The following MACROD2 variants were observed in gnomAD, a reference collection of about 807,000 sequenced individuals.
MACROD2 encodes the protein mono-ADP ribosylhydrolase 2.
MACROD2 carries 36 observed loss-of-function variants against 70.4 expected under a neutral mutation model. The observed-to-expected ratio is 0.51, with a 90% CI of 0.39 to 0.68. The LOEUF (loss-of-function observed/expected upper bound fraction) is 0.68. Ranked by LOEUF, MACROD2 falls within the 30% of genes least tolerant of loss-of-function variation. MACROD2 has a pLI of 0.00. For missense variants in MACROD2, 496 were observed against 538.4 expected (o/e 0.92, Z 0.78); for synonymous variants, 172 against 178.8 (o/e 0.96, Z 0.30).
chr20:15,987,858 T>A (rs2066508637), intron 15 of MACROD2, among the ~76,000 whole-genome samples: 3 of 152,176 alleles, frequency 2.0e-5, no homozygotes, highest in Admixed American at 6.5e-5. Context: ...TATAAAGCAA[T>A]CTCTTAAAAG....
chr20:15,084,071 T>TG (rs2075727033), intron 5 of MACROD2, among the ~76,000 whole-genome samples: 1 of 78,062 alleles, frequency 1.3e-5, no homozygotes, highest in Non-Finnish European at 2.7e-5. Flanking sequence ...TTTTTTTTTT[T>TG]GTTTTTTTTT....
intron 5 of MACROD2, among the ~76,000 whole-genome samples, chr20:14,842,826 C>G (rs407097): frequency 6.6e-6 from 1 of 151,920 alleles, no homozygotes; most frequent in African/African-American, 2.4e-5. Flanking sequence ...AGTGAAACAA[C>G]AGAGTCCAAT....
At chr20:15,022,926 G>A (rs749805744) in intron 5 of MACROD2, 1 of 152,124 alleles carries the variant, frequency 6.6e-6, no homozygotes, top group Non-Finnish European at 1.5e-5. Context: ...GTGCAGGGAT[G>A]ACATGGAAAT....
At chr20:14,929,545 G>A (rs1397440108) in intron 5 of MACROD2, 1 of 152,150 alleles carries the variant, frequency 6.6e-6, no homozygotes. Context: ...TGGAGTTTTT[G>A]TGGGGGTTCC....
At chr20:15,568,727 A>T (rs966518778) in intron 8 of MACROD2, among the ~76,000 whole-genome samples, 1 of 152,302 alleles carries the variant, frequency 6.6e-6, no homozygotes, top group South Asian at 2.1e-4. Context: ...GTGCTCCTAC[A>T]ATGATGTTTT....
At chr20:16,039,454 AG>A (rs2067278482) in intron 15 of MACROD2, among the ~76,000 whole-genome samples, 1 of 151,746 alleles carries the variant, frequency 6.6e-6, no homozygotes, top group Non-Finnish European at 1.5e-5. Flanking sequence ...TAAAGATTGT[AG>A]TAACACTTTG....
intron 7 of MACROD2, among the ~76,000 whole-genome samples, chr20:15,499,492 T>C (rs1187133530): frequency 1.3e-5 from 2 of 152,222 alleles, no homozygotes; most frequent in African/African-American, 4.8e-5. Flanking sequence ...ATTATGCATA[T>C]GTAAATATGT....
intron 5 of MACROD2, among the ~76,000 whole-genome samples, chr20:15,097,278 ATTTG>A (rs1247711352): frequency 6.6e-6 from 1 of 152,052 alleles, no homozygotes; most frequent in Non-Finnish European, 1.5e-5. Flanking sequence ...GCATTGTACT[ATTTG>A]TTTCTGTATG....
At chr20:15,804,531 T>G (rs1167383789) in intron 8 of MACROD2, among the ~76,000 whole-genome samples, 1 of 152,234 alleles carries the variant, frequency 6.6e-6, no homozygotes, top group Non-Finnish European at 1.5e-5. Flanking sequence ...TTCAAAAGGT[T>G]GCCTTATGCC....
At chr20:15,660,057 A>G (rs930441908) in intron 8 of MACROD2, among the ~76,000 whole-genome samples, 2 of 152,070 alleles carry the variant, frequency 1.3e-5, no homozygotes, top group Admixed American at 1.3e-4. Flanking sequence ...TATCCCCAGA[A>G]CTTCATACAG....
At chr20:14,827,650 G>A (rs1416155631) in intron 5 of MACROD2, among the ~76,000 whole-genome samples, 1 of 151,120 alleles carries the variant, frequency 6.6e-6, no homozygotes, top group African/African-American at 2.4e-5. Flanking sequence ...TAACTAATTA[G>A]TAACTGTGTT....
At chr20:15,033,088 A>T (rs2075287666) in intron 5 of MACROD2, among the ~76,000 whole-genome samples, 1 of 152,140 alleles carries the variant, frequency 6.6e-6, no homozygotes. Flanking sequence ...ATGGGGCGTT[A>T]TTGTTTAATA....
chr20:15,957,537 G>A (rs1457035738), intron 12 of MACROD2, among the ~76,000 whole-genome samples: 1 of 151,988 alleles, frequency 6.6e-6, no homozygotes, highest in Non-Finnish European at 1.5e-5. Flanking sequence ...CTCCCTCTTG[G>A]TCCCTGCTCA....
chr20:14,075,260 T>A (rs1232465601), intron 2 of MACROD2, among the ~76,000 whole-genome samples: 1 of 152,220 alleles, frequency 6.6e-6, no homozygotes, highest in Non-Finnish European at 1.5e-5. Context: ...AGCTTTGCTG[T>A]CGCATCTCAA....
chr20:14,443,648 T>C (rs1336635358), intron 3 of MACROD2, among the ~76,000 whole-genome samples: 1 of 152,094 alleles, frequency 6.6e-6, no homozygotes, highest in Non-Finnish European at 1.5e-5. Flanking sequence ...CTTCTTTTTA[T>C]GGGGAAAATG....
intron 4 of MACROD2, among the ~76,000 whole-genome samples, chr20:14,571,297 G>C (rs1240537431): frequency 6.6e-6 from 1 of 151,986 alleles, no homozygotes; most frequent in Non-Finnish European, 1.5e-5. Flanking sequence ...GATGAGGAGT[G>C]TATCTTATAT....
chr20:14,864,578 CA>C (rs942920504), intron 5 of MACROD2, among the ~76,000 whole-genome samples: 1 of 152,042 alleles, frequency 6.6e-6, no homozygotes, highest in African/African-American at 2.4e-5. Flanking sequence ...ACTGTGCGAA[CA>C]AATTTCTTTT....
chr20:15,274,669 G>A (rs2146075295), intron 6 of MACROD2, among the ~76,000 whole-genome samples: 1 of 152,360 alleles, frequency 6.6e-6, no homozygotes, highest in South Asian at 2.1e-4. Context: ...CGCCTACCAT[G>A]TGTTAGGTGC....
intron 5 of MACROD2, among the ~76,000 whole-genome samples, chr20:15,199,364 C>CA (rs2076635959): frequency 6.6e-6 from 1 of 151,904 alleles, no homozygotes; most frequent in Non-Finnish European, 1.5e-5. Flanking sequence ...CTCAAAAAAA[C>CA]AAAAAACAAA....
Sources: gnomAD v4.1 joint callset for allele counts (sites outside exome capture counted in the v4.1 genomes callset) on GRCh38, gnomAD v4.1.1 for gene constraint, MANE v1.5 for transcripts, NCBI Gene and HGNC (gene_info 2026-07-23, HGNC 2026-07-21) for gene names.